FBXO34: variants seen among roughly 807,000 people sequenced by gnomAD.
FBXO34 encodes F-box protein 34.
FBXO34 carries 12 observed loss-of-function variants against 24.5 expected under a neutral mutation model. The observed-to-expected ratio is 0.49, with a 90% confidence interval of 0.31 to 0.79. The LOEUF is 0.79. Ranked by LOEUF, FBXO34 falls within the 30% of genes least tolerant of loss-of-function variation. The pLI is 0.04. For synonymous variants in FBXO34, 320 were observed against 311.9 expected (o/e 1.03, Z -0.27); for missense variants, 823 against 857.7 (o/e 0.96, Z 0.51).
At chr14:55,399,656 T>C in the FBXO34 span, among the ~76,000 whole-genome samples, 3 of 152,246 alleles carry the variant, frequency 2.0e-5, no homozygotes, top group African/African-American at 7.2e-5. Flanking sequence ...GAGAGACTAA[T>C]ATAGTATTTA....
At chr14:55,300,527 G>A (rs763696132) in intron 1 of FBXO34, among the ~76,000 whole-genome samples, 5 of 152,200 alleles carry the variant, frequency 3.3e-5, no homozygotes, top group Non-Finnish European at 5.9e-5. Flanking sequence ...TCCGGGAGGC[G>A]GAGGTTGCAG....
At chr14:55,427,664 C>A in the FBXO34 span, among the ~76,000 whole-genome samples, 255 of 152,164 alleles carry the variant, frequency 1.7e-3, no homozygotes, top group African/African-American at 6.0e-3. Flanking sequence ...GAGTCACCCT[C>A]CATCCCTGCT....
chr14:55,322,555 G>T (rs542563778), intron 1 of FBXO34, among the ~76,000 whole-genome samples: 1 of 151,990 alleles, frequency 6.6e-6, no homozygotes, highest in Non-Finnish European at 1.5e-5. Flanking sequence ...AGGCTGGTCT[G>T]GAATTCCTGG....
Position 55,337,040 on chromosome 14 carries a change from A to G in FBXO34, c.-10-13341A>G, listed in dbSNP as rs112318003. Among the ~76,000 whole-genome samples the G allele has an allele frequency of 9.4e-3, 1,400 of 148,642 alleles. 30 individuals carry two copies. Among genetic ancestry groups the G allele is most frequent in the African/African-American group, 0.033 (1,351 of 40,534 alleles). The stretch of plus-strand genomic sequence containing the variant: ...GCCCAGGCTAGAGTGCAATGACACT[A>G]TCTTGGCTCACTGCAACCTCCACCT... On this transcript the variant is annotated intron_variant, in intron 1 of 1. Coordinates refer to ENST00000313833, the MANE Select transcript of FBXO34 (RefSeq NM_017943.4).
At chr14:55,284,621 CTTTT>C (rs60464365) in intron 1 of FBXO34, among the ~76,000 whole-genome samples, 4 of 126,392 alleles carry the variant, frequency 3.2e-5, no homozygotes, top group Admixed American at 8.0e-5. Context: ...AATTTTGTTA[CTTTT>C]TTTTTTTTTT....
At chr14:55,318,105 T>C (rs1431677952) in intron 1 of FBXO34, 2 of 152,036 alleles carry the variant, frequency 1.3e-5, no homozygotes, top group Admixed American at 6.6e-5. Context: ...TACTCATTTA[T>C]TTTTCAGCTT....
At chr14:55,440,406 C>A in the FBXO34 span, 1 of 1,613,024 alleles carries the variant, frequency 6.2e-7, no homozygotes, top group South Asian at 1.1e-5. Context: ...CTGAGCGGCG[C>A]ACTGGTCCAG....
the FBXO34 span, chr14:55,436,522 T>C: frequency 2.6e-6 from 4 of 1,541,284 alleles, no homozygotes; most frequent in Non-Finnish European, 3.6e-6. Flanking sequence ...ATAAAATGTG[T>C]ACCCAATGTG....
At chr14:55,272,009 T>C (rs1881165118) in intron 1 of FBXO34, 1 of 152,250 alleles carries the variant, frequency 6.6e-6, no homozygotes, top group Non-Finnish European at 1.5e-5. Context: ...GTCCTTAACC[T>C]TCTTCAACGA....
chr14:55,427,195 A>G, the FBXO34 span, among the ~76,000 whole-genome samples: 4 of 152,318 alleles, frequency 2.6e-5, no homozygotes, highest in African/African-American at 9.6e-5. Flanking sequence ...TAAAGAGGCA[A>G]CATGTCTTAC....
At chr14:55,349,235 G>C (rs1414364558) in intron 1 of FBXO34, among the ~76,000 whole-genome samples, 1 of 151,898 alleles carries the variant, frequency 6.6e-6, no homozygotes, top group African/African-American at 2.4e-5. Context: ...GAGAGGAAGT[G>C]ACTTGCCCAA....
chr14:55,339,561 A>C (rs1883921233), intron 1 of FBXO34: 1 of 152,172 alleles, frequency 6.6e-6, no homozygotes, highest in African/African-American at 2.4e-5. Flanking sequence ...CTGTGTACTT[A>C]AGGAATAGTT....
At chr14:55,339,388 C>CA (rs1555339093) in intron 1 of FBXO34, 1 of 145,752 alleles carries the variant, frequency 6.9e-6, no homozygotes, top group South Asian at 2.4e-4. Context: ...GCCCCCCCCC[C>CA]CAATCCTGGA....
At chr14:55,436,057 A>G in the FBXO34 span, 2 of 550,550 alleles carry the variant, frequency 3.6e-6, no homozygotes, top group Non-Finnish European at 6.2e-6. Flanking sequence ...GAATTATTCC[A>G]AATGTGAAAT....
chr14:55,296,391 G>GTTTTGTTTTTTTT (rs1338074763), intron 1 of FBXO34, among the ~76,000 whole-genome samples: 1 of 64,764 alleles, frequency 1.5e-5, no homozygotes, highest in African/African-American at 5.7e-5. Flanking sequence ...TGTTTTTTTT[G>GTTTTGTTTTTTTT]TTTTTTTTTT....
the FBXO34 span, chr14:55,397,496 G>A: frequency 1.5e-6 from 2 of 1,292,558 alleles, no homozygotes; most frequent in Non-Finnish European, 2.2e-6. Context: ...ATGAGACTAT[G>A]CAAATTCCCA....
At chr14:55,371,229 A>G (rs2140117249), downstream of FBXO34, among the ~76,000 whole-genome samples, 1 of 152,320 alleles carries the variant, frequency 6.6e-6, no homozygotes, top group South Asian at 2.1e-4. Flanking sequence ...CTAGAATCGT[A>G]TAGCTTGCCA....
chr14:55,272,525 CTTTTT>C (rs542675528), intron 1 of FBXO34, among the ~76,000 whole-genome samples: 72 of 113,592 alleles, frequency 6.3e-4, no homozygotes, highest in Non-Finnish European at 1.1e-3. Context: ...AATCAGTTTG[CTTTTT>C]TTTTTTTTTT....
the FBXO34 span, chr14:55,385,823 A>T: frequency 4.0e-6 from 6 of 1,511,774 alleles, no homozygotes; most frequent in Non-Finnish European, 5.4e-6. Context: ...TTGGAACTTG[A>T]TCTATTCCTG....
Sources: gnomAD v4.1 joint callset for allele counts (sites outside exome capture counted in the v4.1 genomes callset) on GRCh38, gnomAD v4.1.1 for gene constraint, MANE v1.5 for transcripts, NCBI Gene and HGNC (gene_info 2026-07-23, HGNC 2026-07-21) for gene names.